ABTB3: variants seen among roughly 807,000 people sequenced by gnomAD.
The protein encoded by ABTB3 is ankyrin repeat- and BTB/POZ domain-containing protein 3.
the ABTB3 span, chr12:107,617,385 C>T: frequency 6.2e-7 from 1 of 1,614,142 alleles, no homozygotes; most frequent in African/African-American, 1.3e-5. Flanking sequence ...ATTTCTACAA[C>T]CCCCCAGGGT....
the ABTB3 span, among the ~76,000 whole-genome samples, chr12:107,436,288 G>C: frequency 1.3e-5 from 2 of 152,202 alleles, no homozygotes; most frequent in Non-Finnish European, 2.9e-5. Flanking sequence ...CATCCCGGTC[G>C]CATGCAGCTT....
chr12:107,429,724 C>T, the ABTB3 span, among the ~76,000 whole-genome samples: 1 of 152,190 alleles, frequency 6.6e-6, no homozygotes, highest in Non-Finnish European at 1.5e-5. Context: ...TTTTAATTCA[C>T]AGATATGCAT....
At chr12:107,397,438 T>C in the ABTB3 span, among the ~76,000 whole-genome samples, 1 of 152,092 alleles carries the variant, frequency 6.6e-6, no homozygotes, top group Non-Finnish European at 1.5e-5. Context: ...TTCAAATTCT[T>C]TACCTATTAT....
At chr12:107,333,907 G>A in the ABTB3 span, among the ~76,000 whole-genome samples, 6 of 152,194 alleles carry the variant, frequency 3.9e-5, no homozygotes, top group African/African-American at 1.4e-4. Flanking sequence ...GGTCAGGGTA[G>A]CCTCACTCCA....
chr12:107,498,102 C>G, the ABTB3 span, among the ~76,000 whole-genome samples: 2 of 152,176 alleles, frequency 1.3e-5, no homozygotes, highest in East Asian at 1.9e-4. Flanking sequence ...ACGCCAACAG[C>G]ATTTCTGAAA....
the ABTB3 span, among the ~76,000 whole-genome samples, chr12:107,383,187 G>A: frequency 6.6e-6 from 1 of 152,206 alleles, no homozygotes; most frequent in African/African-American, 2.4e-5. Context: ...CAGCTAGTGA[G>A]TACCAAATTT....
chr12:107,373,642 T>A, the ABTB3 span, among the ~76,000 whole-genome samples: 4 of 152,138 alleles, frequency 2.6e-5, no homozygotes, highest in Non-Finnish European at 5.9e-5. Context: ...CACATCCCCA[T>A]CTCCAAGCTC....
the ABTB3 span, among the ~76,000 whole-genome samples, chr12:107,402,398 C>T: frequency 2.0e-5 from 3 of 152,158 alleles, no homozygotes; most frequent in African/African-American, 7.2e-5. Context: ...CTTAACCTCT[C>T]TGAGCCTTTG....
the ABTB3 span, chr12:107,544,156 C>T: frequency 4.5e-5 from 72 of 1,611,790 alleles, no homozygotes; most frequent in Non-Finnish European, 5.3e-5. Flanking sequence ...ACTGCCTTGC[C>T]TTGCCTTGTG....
At chr12:107,464,765 G>A in the ABTB3 span, among the ~76,000 whole-genome samples, 1 of 152,318 alleles carries the variant, frequency 6.6e-6, no homozygotes, top group South Asian at 2.1e-4. Context: ...TGTGTTTCGA[G>A]CAGTGGTTCT....
chr12:107,347,393 A>T, the ABTB3 span, among the ~76,000 whole-genome samples: 44 of 152,176 alleles, frequency 2.9e-4, no homozygotes, highest in African/African-American at 1.1e-3. Flanking sequence ...ACCCCAAAAC[A>T]TATTGGCTTC....
the ABTB3 span, among the ~76,000 whole-genome samples, chr12:107,508,209 A>G: frequency 2.0e-5 from 3 of 152,124 alleles, no homozygotes; most frequent in East Asian, 3.9e-4. Flanking sequence ...GCTTAGCACA[A>G]TGAGTAGCAC....
chr12:107,659,261 C>A, the ABTB3 span: 3 of 152,180 alleles, frequency 2.0e-5, no homozygotes, highest in Non-Finnish European at 4.4e-5. Context: ...GGGCATGGCC[C>A]ATGGAGCATC....
At chr12:107,583,652 C>T in the ABTB3 span, among the ~76,000 whole-genome samples, 23 of 152,190 alleles carry the variant, frequency 1.5e-4, no homozygotes, top group African/African-American at 5.5e-4. Context: ...CTGCGCCCCC[C>T]CTCCTCAGCA....
chr12:107,564,683 G>A, the ABTB3 span, among the ~76,000 whole-genome samples: 1 of 152,182 alleles, frequency 6.6e-6, no homozygotes, highest in Non-Finnish European at 1.5e-5. Context: ...GAAATCTCCT[G>A]TCCTGGGTAT....
At chr12:107,654,312 T>C in the ABTB3 span, among the ~76,000 whole-genome samples, 3 of 152,224 alleles carry the variant, frequency 2.0e-5, no homozygotes, top group South Asian at 2.1e-4. Flanking sequence ...TTTGTTTGTT[T>C]GTTTGTTTTT....
At chr12:107,323,145 T>C in the ABTB3 span, among the ~76,000 whole-genome samples, 75 of 152,316 alleles carry the variant, frequency 4.9e-4, 1 homozygote, top group East Asian at 0.013. Context: ...TTTTCTACTT[T>C]GTTGTTATTG....
the ABTB3 span, among the ~76,000 whole-genome samples, chr12:107,523,643 A>G: frequency 2.6e-5 from 4 of 152,162 alleles, no homozygotes; most frequent in Admixed American, 2.6e-4. Context: ...ATTTGGGTGT[A>G]ATATGTGTGA....
At chr12:107,364,364 C>T in the ABTB3 span, among the ~76,000 whole-genome samples, 1 of 151,986 alleles carries the variant, frequency 6.6e-6, no homozygotes, top group Middle Eastern at 3.4e-3. Flanking sequence ...TCTCAGCTCA[C>T]TGCAACCTCT....
Sources: gnomAD v4.1 joint callset for allele counts (sites outside exome capture counted in the v4.1 genomes callset) on GRCh38, gnomAD v4.1.1 for gene constraint, MANE v1.5 for transcripts, NCBI Gene and HGNC (gene_info 2026-07-23, HGNC 2026-07-21) for gene names.